The following PDE1C variants were observed in gnomAD, a reference collection of about 807,000 sequenced individuals.
PDE1C encodes dual specificity calcium/calmodulin-dependent 3',5'-cyclic nucleotide phosphodiesterase 1C.
Under a neutral mutation model 93.1 loss-of-function variants are expected in PDE1C, and 62 were observed. The ratio of observed to expected loss-of-function variants is 0.67; its 90% confidence interval spans 0.54 to 0.82. PDE1C has a LOEUF of 0.82. Among genes scored for constraint, PDE1C ranks in the 40% least tolerant of loss-of-function variants. PDE1C has a pLI of 0.00. For missense variants in PDE1C, 742 were observed against 884.6 expected, an observed-to-expected ratio of 0.84 and a Z score of 2.04; for synonymous variants, 325 against 310.1, an observed-to-expected ratio of 1.05 and a Z score of -0.50.
intron 16 of PDE1C, chr7:31,789,589 A>C: frequency 1.2e-6 from 1 of 848,922 alleles, no homozygotes. Context: ...CCATCAAATA[A>C]AGATTCCTAT....
chr7:32,374,309 A>AAGAAAGAAAGAG (rs61357676), intron 1 of PDE1C, among the ~76,000 whole-genome samples: 25 of 146,612 alleles, frequency 1.7e-4, no homozygotes, highest in African/African-American at 5.8e-4. Flanking sequence ...GAAAGAAAGA[A>AAGAAAGAAAGAG]GAAAAGAAAA....
At chr7:31,802,672 AT>A (rs1786214530) in intron 16 of PDE1C, among the ~76,000 whole-genome samples, 1 of 151,308 alleles carries the variant, frequency 6.6e-6, no homozygotes. Context: ...TCTGAAAAAT[AT>A]TTTTGCTAGG....
At chr7:32,336,416 C>G (rs1397410208) in intron 1 of PDE1C, among the ~76,000 whole-genome samples, 3 of 152,030 alleles carry the variant, frequency 2.0e-5, no homozygotes, top group Non-Finnish European at 4.4e-5. Flanking sequence ...GCATGTTGCC[C>G]TTATTATGTC....
chr7:31,938,214 A>G (rs1239633629), intron 2 of PDE1C, among the ~76,000 whole-genome samples: 2 of 151,856 alleles, frequency 1.3e-5, no homozygotes, highest in Non-Finnish European at 2.9e-5. Context: ...TGGAAGATGG[A>G]TGCATTTCTG....
At position 32,343,498 on chromosome 7, in the gene PDE1C, A is replaced by G. The variant is rs149249281; in HGVS notation, c.310+84324T>C. Among the ~76,000 whole-genome samples, 498 of 152,330 alleles carry G rather than the reference A, an allele frequency of 3.3e-3. 3 individuals carry two copies. Among genetic ancestry groups the G allele is most frequent in the African/African-American group, 0.011 (469 of 41,586 alleles). On this transcript the variant is annotated intron_variant, in intron 1 of 1. Transcript: ENST00000672256. ...GGGAGAATTAGAGTGTCCAAGCTTCATCTGCCAAACATGTGGAACCTCTGT... is the reference window on the plus strand; with the variant it reads ...GGGAGAATTAGAGTGTCCAAGCTTCGTCTGCCAAACATGTGGAACCTCTGT...
intron 2 of PDE1C, among the ~76,000 whole-genome samples, chr7:32,190,860 C>T (rs1804187671): frequency 6.6e-6 from 1 of 152,030 alleles, no homozygotes; most frequent in African/African-American, 2.4e-5. Context: ...CCTGGGGAGT[C>T]AGGCCAGGCT....
chr7:31,964,594 C>T (rs1809593610), intron 2 of PDE1C, among the ~76,000 whole-genome samples: 1 of 152,234 alleles, frequency 6.6e-6, no homozygotes, highest in Non-Finnish European at 1.5e-5. Flanking sequence ...TGTCTGTCAG[C>T]TTTGAAGAGA....
intron 17 of PDE1C, among the ~76,000 whole-genome samples, chr7:31,760,028 A>G (rs190818310): frequency 6.6e-6 from 1 of 152,304 alleles, no homozygotes; most frequent in Admixed American, 6.5e-5. Flanking sequence ...TACAGCTATT[A>G]GGATTATTTA....
chr7:31,722,796 T>A, the PDE1C span, among the ~76,000 whole-genome samples: 6 of 152,120 alleles, frequency 3.9e-5, no homozygotes, highest in African/African-American at 1.4e-4. Context: ...GGGGATGGTA[T>A]GAGATGAGGT....
In PDE1C at chr7:32,243,999, G is replaced by A. The variant is rs142455446; in HGVS notation, c.86-34460C>T. Among the ~76,000 whole-genome samples the A allele has an allele frequency of 5.0e-4, 76 of 152,288 alleles. 2 individuals are homozygous for A. In the East Asian group the frequency reaches 0.011, roughly 23 times the overall value. ...TTTTACAAAAGCTACTATGAGATAC[G>A]CTTCCTCTACCAAGACAAGATAACA... On this transcript the variant is annotated intron_variant, in intron 1 of 18. Coordinates refer to the PDE1C transcript ENST00000396193.
chr7:32,057,158 T>C (rs1045464878), intron 1 of PDE1C, among the ~76,000 whole-genome samples: 1 of 152,242 alleles, frequency 6.6e-6, no homozygotes, highest in Non-Finnish European at 1.5e-5. Flanking sequence ...AAGTCCTTTT[T>C]ATCAATAACT....
At chr7:32,374,005 A>AAAAG (rs1050934483) in intron 1 of PDE1C, among the ~76,000 whole-genome samples, 1 of 150,580 alleles carries the variant, frequency 6.6e-6, no homozygotes, top group East Asian at 2.0e-4. Flanking sequence ...AAAAGAAAAG[A>AAAAG]AAAGAAAGAA....
chr7:31,897,898 C>T (rs1339666304), intron 2 of PDE1C, among the ~76,000 whole-genome samples: 1 of 151,686 alleles, frequency 6.6e-6, no homozygotes, highest in African/African-American at 2.4e-5. Context: ...GTCAGAAAAC[C>T]AACAATAATT....
At chr7:31,908,489 T>A (rs905657671) in intron 2 of PDE1C, among the ~76,000 whole-genome samples, 1 of 152,188 alleles carries the variant, frequency 6.6e-6, no homozygotes, top group African/African-American at 2.4e-5. Flanking sequence ...TGTGCTGTCA[T>A]GGTCAGTTTG....
intron 6 of PDE1C, among the ~76,000 whole-genome samples, chr7:31,865,762 T>C (rs1235291693): frequency 1.3e-5 from 2 of 152,220 alleles, no homozygotes; most frequent in Non-Finnish European, 2.9e-5. Flanking sequence ...GATTTTGTTT[T>C]GTTTTTCTTA....
At chr7:32,157,847 T>C (rs371753943) in intron 3 of PDE1C, among the ~76,000 whole-genome samples, 1 of 152,224 alleles carries the variant, frequency 6.6e-6, no homozygotes, top group East Asian at 1.9e-4. Context: ...TTATTAGTCT[T>C]GCAATTGTTC....
At chr7:32,195,504 G>A (rs1804548745) in intron 2 of PDE1C, among the ~76,000 whole-genome samples, 1 of 152,098 alleles carries the variant, frequency 6.6e-6, no homozygotes, top group African/African-American at 2.4e-5. Flanking sequence ...TTCCCTATGA[G>A]TAAGATGTCT....
chr7:31,908,045 T>C (rs1453928605), intron 2 of PDE1C, among the ~76,000 whole-genome samples: 1 of 152,138 alleles, frequency 6.6e-6, no homozygotes, highest in African/African-American at 2.4e-5. Flanking sequence ...AATGATTGAA[T>C]AATAGGACAA....
At chr7:32,394,010 A>G (rs1246792444) in intron 1 of PDE1C, among the ~76,000 whole-genome samples, 1 of 152,198 alleles carries the variant, frequency 6.6e-6, no homozygotes, top group South Asian at 2.1e-4. Flanking sequence ...AAAAGAAAAA[A>G]TACAGGTTAC....
Sources: allele counts gnomAD v4.1 joint callset (sites outside exome capture counted in the v4.1 genomes callset), GRCh38; gene constraint gnomAD v4.1.1; transcripts MANE v1.5; gene names NCBI Gene and HGNC (gene_info 2026-07-23, HGNC 2026-07-21).